Variants in PDGFB observed in about 807,000 individuals in gnomAD.
The protein encoded by PDGFB is platelet-derived growth factor subunit B.
A neutral mutation model predicts 29.0 loss-of-function variants in PDGFB; 6 were observed. That is an observed-to-expected ratio of 0.21 (90% CI 0.11 to 0.41). PDGFB has a LOEUF of 0.41. Ranked by LOEUF, PDGFB falls within the 10% of genes least tolerant of loss-of-function variation. PDGFB has a pLI of 1.00. For missense variants in PDGFB, 299 were observed against 341.8 expected, an observed-to-expected ratio of 0.87 and a Z score of 0.99; for synonymous variants, 144 against 140.8, an observed-to-expected ratio of 1.02 and a Z score of -0.16.
At chr22:39,227,810 G>A (rs757187293) in intron 5 of PDGFB, among the ~76,000 whole-genome samples, 6 of 152,166 alleles carry the variant, frequency 3.9e-5, no homozygotes, top group Non-Finnish European at 8.8e-5. Flanking sequence ...CCAGCCTACC[G>A]GGATCTGACA....
chr22:39,235,949 C>A (rs539252640), intron 1 of PDGFB, 75 bp from the exon 2 acceptor site: 29 of 920,444 alleles, frequency 3.2e-5, no homozygotes, highest in South Asian at 2.9e-4. Flanking sequence ...CCCCACCACA[C>A]GCTTTCTCGC....
chr22:39,237,054 G>A (rs1465845332), intron 1 of PDGFB, among the ~76,000 whole-genome samples: 2 of 152,158 alleles, frequency 1.3e-5, no homozygotes, highest in African/African-American at 4.8e-5. Context: ...AGGTCGGGGG[G>A]CTCAGAGGGG....
In PDGFB at chr22:39,242,633, G is replaced by A. The variant is rs1932594575; in HGVS notation, c.63+1268C>T. 6.6e-6 allele frequency among the ~76,000 whole-genome samples: 1 copy of A among 151,820 alleles called. No individual in the cohort carries two copies. Among genetic ancestry groups the A allele is most frequent in the South Asian group, 2.1e-4 (1 of 4,828 alleles). ...CCTCGAGGAGCCCCGAGAACAAAAG[G>A]AGACGGCGACGGCTCCTCCGTGGTC... On this transcript the variant is annotated intron_variant, in intron 1 of 6. Coordinates refer to ENST00000331163, the MANE Select transcript of PDGFB (RefSeq NM_002608.4). The surrounding 1 kb of genome is among the most constrained non-coding windows in gnomAD (Gnocchi z 5.7).
intron 2 of PDGFB, among the ~76,000 whole-genome samples, chr22:39,233,990 C>T (rs920845144): frequency 1.9e-4 from 22 of 116,956 alleles, no homozygotes; most frequent in African/African-American, 2.8e-4. Context: ...GGACAATGGC[C>T]GCGCTGGGCA....
At position 39,231,510 on chromosome 22, in the gene PDGFB, C is replaced by T; in HGVS notation, c.456+112G>A. ...AGCCCAGGAACAAATCAGGAATGTC[C>T]TTCGACACACCACTCTGCCCAGTCA... is the stretch of plus-strand genomic sequence containing the variant. On this transcript the variant is annotated intron_variant, in intron 4 of 6. Transcript: ENST00000331163. The surrounding 1 kb of genome is among the most constrained non-coding windows in gnomAD (Gnocchi z 4.3). 2.5e-6 allele frequency: 2 copies of T among 810,060 alleles called. No individual in the cohort carries two copies. Among genetic ancestry groups the T allele is most frequent in the Non-Finnish European group, 3.8e-6 (2 of 525,142 alleles). The allele number at this position is 810,060 out of a possible 1,614,324, so 50.2% of individuals were successfully genotyped here.
At chr22:39,227,666 G>C (rs926710802) in intron 5 of PDGFB, among the ~76,000 whole-genome samples, 2 of 152,200 alleles carry the variant, frequency 1.3e-5, no homozygotes, top group African/African-American at 4.8e-5. Flanking sequence ...AAACGACAGT[G>C]CCTGTGAGCC....
chr22:39,239,510 T>C (rs976538343), intron 1 of PDGFB, among the ~76,000 whole-genome samples: 2 of 152,084 alleles, frequency 1.3e-5, no homozygotes, highest in African/African-American at 2.4e-5. Context: ...CTTCTTGGTA[T>C]GGGAAGGTGA....
At position 39,234,911 on chromosome 22, in the gene PDGFB, G is replaced by A. The variant is rs115845024; in HGVS notation, c.160+867C>T. Among the ~76,000 whole-genome samples, 792 of 152,272 alleles carry A rather than the reference G, an allele frequency of 5.2e-3. 7 individuals are homozygous for A. Among genetic ancestry groups the A allele is most frequent in the African/African-American group, 0.018 (758 of 41,544 alleles). On this transcript the variant is annotated intron_variant, in intron 2 of 6. Transcript: ENST00000331163. ...TGCCCCATTGTGTGTGGCCAGGGGC[G>A]GCCAGTCGGGCATAGGGTGGGGGTT...
intron 3 of PDGFB, among the ~76,000 whole-genome samples, chr22:39,232,519 C>T (rs188495901): frequency 1.3e-5 from 2 of 151,722 alleles, no homozygotes; most frequent in African/African-American, 4.9e-5. Flanking sequence ...GAGACGGAGT[C>T]TTGCTCTGTC....
At chr22:39,233,567 G>C in intron 2 of PDGFB, 43 bp from the exon 3 acceptor site, 1 of 1,432,690 alleles carries the variant, frequency 7.0e-7, no homozygotes, top group Non-Finnish European at 9.5e-7. Context: ...GCCCCACCTT[G>C]GGCAGGGGCT....
chr22:39,240,937 ACACACTCTCT>A, intron 1 of PDGFB: 8 of 1,351,650 alleles, frequency 5.9e-6, no homozygotes, highest in Non-Finnish European at 8.3e-6. Flanking sequence ...ACACACACAC[ACACACTCTCT>A]CTCTCTCTCT....
At chr22:39,230,622 G>A (rs559682400) in intron 4 of PDGFB, among the ~76,000 whole-genome samples, 4 of 152,224 alleles carry the variant, frequency 2.6e-5, no homozygotes, top group Admixed American at 6.5e-5. Flanking sequence ...AGGGAGGTGG[G>A]AACGGGGAGG....
intron 1 of PDGFB, among the ~76,000 whole-genome samples, chr22:39,238,268 T>C (rs1601601537): frequency 6.6e-6 from 1 of 152,104 alleles, no homozygotes. Flanking sequence ...ATTTTCCAGG[T>C]TCTGTCCAGT....
rs1932627649 is a variant in PDGFB, at chr22:39,243,805, G to A, written c.63+96C>T. On this transcript the variant is annotated intron_variant, in intron 1 of 6. Transcript: ENST00000331163. The surrounding 1 kb of genome is among the most constrained non-coding windows in gnomAD (Gnocchi z 6.4). ...CGGCGTCAGGCTCGCGGGCTGCAAGGGTCCAAAGTTCACTGCAGGGAGAGG... is the reference window on the plus strand; with the variant it reads ...CGGCGTCAGGCTCGCGGGCTGCAAGAGTCCAAAGTTCACTGCAGGGAGAGG... 1 of 1,004,212 alleles carries A rather than the reference G, an allele frequency of 1.0e-6. No individual in the cohort carries two copies. Among genetic ancestry groups the A allele is most frequent in the Non-Finnish European group, 1.5e-6 (1 of 677,330 alleles). The allele number at this position is 1,004,212 out of a possible 1,614,324, so 62.2% of individuals were successfully genotyped here.
Position 39,223,653 on chromosome 22 carries a change from G to T in PDGFB, c.*1689C>A, listed in dbSNP as rs185985397. 2 of 152,808 alleles carry T rather than the reference G, an allele frequency of 1.3e-5. No homozygotes were observed. Among genetic ancestry groups the T allele is most frequent in the Admixed American group, 6.5e-5 (1 of 15,286 alleles). The allele number at this position is 152,808 out of a possible 1,614,324, so 9.5% of individuals were successfully genotyped here. The stretch of plus-strand genomic sequence containing the variant: ...GGCAGAAAGGTTAATTGTCACGCAC[G>T]ATGCCAACAGACAGACCTCCGGCGG... On this transcript the variant is annotated 3_prime_UTR_variant, in exon 7 of 7. Transcript: ENST00000331163.
chr22:39,234,916 G>C (rs1225322715), intron 2 of PDGFB, among the ~76,000 whole-genome samples: 1 of 152,208 alleles, frequency 6.6e-6, no homozygotes, highest in African/African-American at 2.4e-5. Context: ...GGGGCGGCCA[G>C]TCGGGCATAG....
At position 39,225,302 on chromosome 22, in the gene PDGFB, T is replaced by C. The variant is rs1932138731; in HGVS notation, c.*40A>G. On this transcript the variant is annotated 3_prime_UTR_variant, in exon 7 of 7. Coordinates refer to ENST00000331163, the MANE Select transcript of PDGFB (RefSeq NM_002608.4). ...CATGGGGGCAATACAGCAAATACCATATTAAATAACCCTGCAGGCCAAGCA... is the reference window on the plus strand; with the variant it reads ...CATGGGGGCAATACAGCAAATACCACATTAAATAACCCTGCAGGCCAAGCA... 2 of 157,346 alleles carry C rather than the reference T, an allele frequency of 1.3e-5. No individual in the cohort carries two copies. The highest frequency in any genetic ancestry group is 1.3e-4 in the Admixed American group (2 of 15,618). 9.7% of individuals were successfully genotyped at this position (157,346 alleles called of 1,614,324 possible). A position where few individuals can be genotyped will look rare whatever the true frequency, so the allele number is the denominator to read the frequency against.
rs200943853 is a variant in PDGFB, at chr22:39,243,935, G to C, written c.29C>G (p.Ser10Cys). The C allele has an allele frequency of 6.2e-7, 1 of 1,600,112 alleles. No individual in the cohort carries two copies. The highest frequency in any genetic ancestry group is 1.1e-5 in the South Asian group (1 of 90,148). ...GACCAGACGCAGGTAGCAGCAGAGA[G>C]ACAGGAAGAGCGCCCAGCAGCGATT... MNRCWALFL[S>C]LCCYLRLVSA... Residue 10 changes from serine to cysteine, a missense_variant, in exon 1 of 7, where the codon TCT (serine) becomes TGT (cysteine). By Grantham distance (112) the Ser-to-Cys change is moderately radical. Coordinates refer to ENST00000331163, the MANE Select transcript of PDGFB (RefSeq NM_002608.4). This position sits in a 1 kb window ranked among gnomAD's most constrained non-coding sequence, Gnocchi z 6.4.
intron 5 of PDGFB, among the ~76,000 whole-genome samples, chr22:39,229,269 C>G (rs562112322): frequency 6.6e-6 from 1 of 152,222 alleles, no homozygotes; most frequent in Non-Finnish European, 1.5e-5. Context: ...TCACTGTAGC[C>G]TCGACATCCC....
Sources: allele counts gnomAD v4.1 joint callset (sites outside exome capture counted in the v4.1 genomes callset), GRCh38; gene constraint gnomAD v4.1.1; non-coding constraint Gnocchi (gnomAD v3.1); transcripts MANE v1.5; gene names NCBI Gene and HGNC (gene_info 2026-07-23, HGNC 2026-07-21).